The following GTF2H5 variants were observed in gnomAD, a reference collection of about 807,000 sequenced individuals.
GTF2H5 encodes TFB5 ortholog.
A neutral mutation model predicts 7.1 loss-of-function variants in GTF2H5; 5 were observed. That is an observed-to-expected ratio of 0.71 (90% CI 0.37 to 1.49). The LOEUF is 1.49. GTF2H5 is among the 40% of genes most tolerant of loss of function. GTF2H5 has a pLI of 0.03. For missense variants in GTF2H5, 80 were observed against 83.0 expected, an observed-to-expected ratio of 0.96 and a Z score of 0.14; for synonymous variants, 30 against 31.7, an observed-to-expected ratio of 0.95 and a Z score of 0.18.
Position 158,192,289 on chromosome 6 carries a change from T to C in GTF2H5, c.*132T>C. On this transcript the variant is annotated 3_prime_UTR_variant, in exon 3 of 3. Transcript: ENST00000607778. The stretch of plus-strand genomic sequence containing the variant: ...TGCCACGGGAAAGACTGAGGGATCA[T>C]GATCATTTGTTCAGAAAAAAAGCCC... The C allele has an allele frequency of 1.4e-6, 1 of 698,064 alleles. No individual in the cohort carries two copies. The highest frequency in any genetic ancestry group is 2.5e-6 in the Non-Finnish European group (1 of 394,092). The allele number at this position is 698,064 out of a possible 1,614,324, so 43.2% of individuals were successfully genotyped here. A position where few individuals can be genotyped will look rare whatever the true frequency, so the allele number is the denominator to read the frequency against.
chr6:158,191,485 T>C (rs1419127129), intron 2 of GTF2H5, among the ~76,000 whole-genome samples: 2 of 144,042 alleles, frequency 1.4e-5, no homozygotes, highest in Non-Finnish European at 3.0e-5. Context: ...CACTAATAGT[T>C]CTTTTTTTTT....
intron 2 of GTF2H5, among the ~76,000 whole-genome samples, chr6:158,173,096 A>G (rs887506567): frequency 6.6e-6 from 1 of 152,260 alleles, no homozygotes; most frequent in African/African-American, 2.4e-5. Context: ...AGAATTGTGC[A>G]TACAAAGAAT....
intron 2 of GTF2H5, among the ~76,000 whole-genome samples, chr6:158,186,654 G>A (rs1776927360): frequency 6.6e-6 from 1 of 152,206 alleles, no homozygotes; most frequent in South Asian, 2.1e-4. Flanking sequence ...CAGACAACTT[G>A]TGCCCAAGGT....
rs541235756 is a variant in GTF2H5, at chr6:158,182,532, CT to C, written c.36-9441del. On this transcript the variant is annotated intron_variant, in intron 2 of 2. Coordinates refer to ENST00000607778, the MANE Select transcript of GTF2H5 (RefSeq NM_207118.3). ...TACACCAATCAAACGTAGATTTGGT[CT>C]TTTCACATAGTCGCATATTTCTTGG... Among the ~76,000 whole-genome samples the C allele has an allele frequency of 9.8e-4, 149 of 152,260 alleles. 1 individual carries two copies. Among genetic ancestry groups the C allele is most frequent in the Admixed American group, 2.4e-3 (37 of 15,280 alleles).
At chr6:158,190,852 A>G (rs1777014912) in intron 2 of GTF2H5, 11 of 461,960 alleles carry the variant, frequency 2.4e-5, no homozygotes, top group South Asian at 1.4e-4. Flanking sequence ...TGCTAAACAC[A>G]TTGTGTATTA....
chr6:158,172,335 C>T (rs371105378), intron 2 of GTF2H5, among the ~76,000 whole-genome samples: 6 of 149,012 alleles, frequency 4.0e-5, no homozygotes, highest in African/African-American at 1.2e-4. Context: ...TTTTTTGACA[C>T]GGAGTCTTGC....
At chr6:158,188,830 T>C (rs893402807) in intron 2 of GTF2H5, among the ~76,000 whole-genome samples, 4 of 152,128 alleles carry the variant, frequency 2.6e-5, no homozygotes, top group African/African-American at 4.8e-5. Context: ...CATTAAGCCT[T>C]ATATGCCGAT....
intron 2 of GTF2H5, among the ~76,000 whole-genome samples, chr6:158,179,253 G>A (rs1367456472): frequency 2.0e-5 from 3 of 152,144 alleles, no homozygotes; most frequent in Non-Finnish European, 4.4e-5. Context: ...CTGTAGCCTT[G>A]TAGTATAGTT....
intron 1 of GTF2H5, 76 bp from the exon 2 acceptor site, chr6:158,170,394 C>A: frequency 2.4e-6 from 2 of 821,294 alleles, no homozygotes; most frequent in Admixed American, 2.0e-5. Flanking sequence ...TATTTTGCCT[C>A]GTTTCAGAGG....
intron 2 of GTF2H5, among the ~76,000 whole-genome samples, chr6:158,187,152 G>A (rs777958729): frequency 1.3e-5 from 2 of 151,468 alleles, no homozygotes; most frequent in South Asian, 2.1e-4. Context: ...CTGCCACCAC[G>A]CCCGGCTAAT....
chr6:158,184,087 T>C (rs557201139), intron 2 of GTF2H5, among the ~76,000 whole-genome samples: 13 of 152,132 alleles, frequency 8.5e-5, no homozygotes, highest in South Asian at 2.1e-4. Context: ...TCCACAACCT[T>C]GGTTTGATAC....
chr6:158,170,207 G>A (rs1049861735), intron 1 of GTF2H5, among the ~76,000 whole-genome samples: 2 of 152,096 alleles, frequency 1.3e-5, no homozygotes, highest in African/African-American at 4.8e-5. Context: ...CTGGTGTAGA[G>A]TTAGGCCTCT....
At chr6:158,170,751 A>C (rs944308916) in intron 2 of GTF2H5, among the ~76,000 whole-genome samples, 1 of 152,176 alleles carries the variant, frequency 6.6e-6, no homozygotes, top group African/African-American at 2.4e-5. Context: ...GAGGCAGCAT[A>C]TTTGTTAGAT....
intron 1 of GTF2H5, among the ~76,000 whole-genome samples, chr6:158,169,549 C>A (rs796859697): frequency 1.9e-5 from 1 of 52,620 alleles, no homozygotes; most frequent in Admixed American, 4.4e-4. Flanking sequence ...ATATAATATA[C>A]TGTATATTAT....
At chr6:158,172,211 TTC>T (rs1299390864) in intron 2 of GTF2H5, among the ~76,000 whole-genome samples, 1 of 152,316 alleles carries the variant, frequency 6.6e-6, no homozygotes, top group Admixed American at 6.5e-5. Flanking sequence ...AAATATTCAC[TTC>T]TCTCTTGTGG....
At chr6:158,169,158 C>A (rs920897280) in intron 1 of GTF2H5, among the ~76,000 whole-genome samples, 1 of 148,582 alleles carries the variant, frequency 6.7e-6, no homozygotes, top group East Asian at 2.0e-4. Flanking sequence ...CGCTTGAGCC[C>A]GGGAGGCAGA....
chr6:158,183,985 G>A lies in GTF2H5; in HGVS notation c.36-7992G>A, dbSNP rs551792628. On this transcript the variant is annotated intron_variant, in intron 2 of 2. Transcript: ENST00000607778. ...GCAGAAATCACCTGTCTTCTGTGTCGATCTTGCTGGGAGCTGTACACCAGA... is the reference window on the plus strand; with the variant it reads ...GCAGAAATCACCTGTCTTCTGTGTCAATCTTGCTGGGAGCTGTACACCAGA... Among the ~76,000 whole-genome samples, 202 of 152,294 alleles carry A rather than the reference G, an allele frequency of 1.3e-3. 1 individual carries two copies. Among genetic ancestry groups the A allele is most frequent in the African/African-American group, 4.6e-3 (193 of 41,568 alleles).
chr6:158,169,380 A>ATATATAATATG (rs1313610207), intron 1 of GTF2H5, among the ~76,000 whole-genome samples: 1 of 94,928 alleles, frequency 1.1e-5, no homozygotes, highest in African/African-American at 4.8e-5. Flanking sequence ...TATGTATATT[A>ATATATAATATG]TATATTATAT....
rs1028167537 is a variant in GTF2H5 at position 158,181,938 on chromosome 6, G to A, written c.36-10039G>A. ...CATTATGAGGCTAGCTGGTTATTTC[G>A]CCCATTAATTGAGGCAGTTTCTTCC... On this transcript the variant is annotated intron_variant, in intron 2 of 2. Transcript: ENST00000607778. 5.3e-5 allele frequency among the ~76,000 whole-genome samples: 8 copies of A among 152,144 alleles called. No individual in the cohort carries two copies. The East Asian group carries it at 7.7e-4, about 15-fold the overall frequency.
Sources: allele counts gnomAD v4.1 joint callset (sites outside exome capture counted in the v4.1 genomes callset), GRCh38; gene constraint gnomAD v4.1.1; transcripts MANE v1.5; gene names NCBI Gene and HGNC (gene_info 2026-07-23, HGNC 2026-07-21).